HS3ST4: variants seen among roughly 807,000 people sequenced by gnomAD.
HS3ST4 encodes the protein heparan sulfate glucosamine 3-O-sulfotransferase 4.
Under a neutral mutation model 29.2 loss-of-function variants are expected in HS3ST4, and 17 were observed. That is an observed-to-expected ratio of 0.58 (90% CI 0.40 to 0.87). HS3ST4 has a LOEUF of 0.87. HS3ST4 is among the 40% of genes least tolerant of loss of function. The probability of loss-of-function intolerance (pLI) is 0.00; values close to 1 mark genes in which losing one functional copy is unlikely to be tolerated. For missense variants in HS3ST4, 627 were observed against 634.5 expected (o/e 0.99, Z 0.13); for synonymous variants, 314 against 285.7 (o/e 1.10, Z -1.00).
intron 1 of HS3ST4, among the ~76,000 whole-genome samples, chr16:25,988,456 C>T (rs1202043591): frequency 6.6e-6 from 1 of 152,218 alleles, no homozygotes; most frequent in Non-Finnish European, 1.5e-5. Context: ...TGCATAGACT[C>T]ATTTAAATTC....
chr16:26,083,705 A>G (rs1596674811), intron 1 of HS3ST4, among the ~76,000 whole-genome samples: 2 of 152,170 alleles, frequency 1.3e-5, no homozygotes, highest in Admixed American at 1.3e-4. Context: ...ACACAGGCTG[A>G]CATTCTTATA....
chr16:25,925,825 C>G (rs994788130), intron 1 of HS3ST4, among the ~76,000 whole-genome samples: 1 of 152,148 alleles, frequency 6.6e-6, no homozygotes, highest in Non-Finnish European at 1.5e-5. Context: ...AAGCCCCATG[C>G]CTCGTGGCTT....
chr16:26,102,256 A>AT (rs5816353), intron 1 of HS3ST4, among the ~76,000 whole-genome samples: 18,569 of 151,228 alleles, frequency 0.12, 1,379 homozygotes, highest in Non-Finnish European at 0.17. Flanking sequence ...CACAGCAATG[A>AT]TTTTTTTTTT....
At chr16:26,110,334 T>G (rs1254638022) in intron 1 of HS3ST4, among the ~76,000 whole-genome samples, 1 of 152,328 alleles carries the variant, frequency 6.6e-6, no homozygotes, top group East Asian at 1.9e-4. Context: ...ACACTTAGGT[T>G]GATTTCATGT....
intron 1 of HS3ST4, among the ~76,000 whole-genome samples, chr16:25,999,835 A>ATATATATTATATATATAT (rs1969193005): frequency 9.4e-6 from 1 of 106,160 alleles, no homozygotes; most frequent in Non-Finnish European, 2.0e-5. Context: ...TTTATATATT[A>ATATATATTATATATATAT]TATATATTTT....
intron 1 of HS3ST4, among the ~76,000 whole-genome samples, chr16:25,722,993 A>G (rs1163697470): frequency 6.6e-6 from 1 of 152,232 alleles, no homozygotes. Context: ...CACGTCTTAC[A>G]TGACAGGAGA....
At chr16:26,084,582 C>G (rs1898762219) in intron 1 of HS3ST4, among the ~76,000 whole-genome samples, 1 of 152,080 alleles carries the variant, frequency 6.6e-6, no homozygotes, top group Non-Finnish European at 1.5e-5. Flanking sequence ...TCCTGAGATC[C>G]TTATTGTGCC....
At chr16:25,877,986 C>T (rs762462415) in intron 1 of HS3ST4, among the ~76,000 whole-genome samples, 1 of 152,000 alleles carries the variant, frequency 6.6e-6, no homozygotes, top group Non-Finnish European at 1.5e-5. Context: ...TTTGATTTGC[C>T]TTATGTAGGA....
At chr16:25,897,448 T>TC (rs1968078271) in intron 1 of HS3ST4, among the ~76,000 whole-genome samples, 1 of 151,914 alleles carries the variant, frequency 6.6e-6, no homozygotes, top group South Asian at 2.1e-4. Flanking sequence ...TGAGATCCTG[T>TC]CCCCCCACAA....
intron 1 of HS3ST4, among the ~76,000 whole-genome samples, chr16:25,741,431 A>G (rs1966652217): frequency 1.3e-5 from 2 of 148,278 alleles, no homozygotes; most frequent in African/African-American, 4.9e-5. Context: ...AGATTTTAGG[A>G]TTATACATAA....
At chr16:25,930,918 A>AAACAAT (rs1968456081) in intron 1 of HS3ST4, among the ~76,000 whole-genome samples, 1 of 151,450 alleles carries the variant, frequency 6.6e-6, no homozygotes, top group Non-Finnish European at 1.5e-5. Context: ...ACAAAAACAA[A>AAACAAT]AACAAAAAAA....
rs774885135 is a variant in HS3ST4 at position 26,136,191 on chromosome 16, G to A, written c.1314G>A (p.Met438Ile). The A allele has an allele frequency of 6.2e-7, 1 of 1,613,408 alleles. No individual in the cohort carries two copies. Among genetic ancestry groups the A allele is most frequent in the South Asian group, 1.1e-5 (1 of 90,940 alleles). ...LRKFYKPFNL[M>I]FYQMTGQDFQ... ...AATTCTACAAACCCTTCAACTTGAT[G>A]TTTTACCAAATGACTGGTCAAGATT... The change falls in exon 2 of 2, where the codon ATG (methionine) becomes ATA (isoleucine). Residue 438 changes from methionine (M) to isoleucine (I), a missense_variant. This residue lies in a region of HS3ST4 where 225 missense variants were observed against 293.7 expected (regional missense o/e 0.77). Coordinates refer to ENST00000331351, the MANE Select transcript of HS3ST4 (RefSeq NM_006040.3).
chr16:26,054,456 T>C (rs1898383964), intron 1 of HS3ST4, among the ~76,000 whole-genome samples: 1 of 152,222 alleles, frequency 6.6e-6, no homozygotes, highest in South Asian at 2.1e-4. Flanking sequence ...AAACATCTGT[T>C]TCCCATGAAT....
intron 1 of HS3ST4, among the ~76,000 whole-genome samples, chr16:25,880,781 T>G (rs185364739): frequency 6.6e-6 from 1 of 152,316 alleles, no homozygotes; most frequent in East Asian, 1.9e-4. Context: ...GCATGTGGAA[T>G]GAATAGAGAC....
chr16:25,797,542 G>C (rs973837185), intron 1 of HS3ST4, among the ~76,000 whole-genome samples: 2 of 152,152 alleles, frequency 1.3e-5, no homozygotes, highest in East Asian at 3.8e-4. Context: ...TTAGCTGTTA[G>C]ATTTAATAAT....
intron 1 of HS3ST4, among the ~76,000 whole-genome samples, chr16:25,867,009 G>T (rs1226395703): frequency 6.6e-6 from 1 of 152,088 alleles, no homozygotes; most frequent in Non-Finnish European, 1.5e-5. Context: ...AATCCTGGAA[G>T]ACCCACCCAA....
At chr16:25,724,112 C>CAAAAA (rs56115380) in intron 1 of HS3ST4, among the ~76,000 whole-genome samples, 22 of 77,232 alleles carry the variant, frequency 2.8e-4, no homozygotes, top group African/African-American at 9.8e-4. Context: ...GACTCCATCT[C>CAAAAA]AAAAAAAAAA....
intron 1 of HS3ST4, among the ~76,000 whole-genome samples, chr16:26,048,497 G>A (rs1213340673): frequency 6.6e-6 from 1 of 152,150 alleles, no homozygotes; most frequent in Non-Finnish European, 1.5e-5. Context: ...ACAGTTTTAA[G>A]TGGTACTAGG....
In HS3ST4 at chr16:26,135,895, C is replaced by G; in HGVS notation, c.1018C>G (p.Leu340Val). The change falls in exon 2 of 2, where the codon CTG (leucine) becomes GTG (valine). Residue 340 changes from leucine (L) to valine (V), a missense_variant. Physicochemically the swap from Leu to Val is conservative, Grantham distance 32 (BLOSUM62 1). Transcript: ENST00000331351. Reference protein sequence around the residue: ...AIRIGIYALHLENWLQYFPLS... With the variant: ...AIRIGIYALHVENWLQYFPLS... Reference sequence around the variant, plus strand: ...TCGAATAGGGATCTATGCGCTGCATCTGGAAAACTGGCTCCAGTATTTCCC... The same window carrying G: ...TCGAATAGGGATCTATGCGCTGCATGTGGAAAACTGGCTCCAGTATTTCCC... 6.2e-7 allele frequency: 1 copy of G among 1,614,020 alleles called. No homozygotes were observed. The highest frequency in any genetic ancestry group is 8.5e-7 in the Non-Finnish European group (1 of 1,179,890).
Sources: gnomAD v4.1 joint callset for allele counts (sites outside exome capture counted in the v4.1 genomes callset) on GRCh38, gnomAD v4.1.1 for gene constraint, gnomAD v4.1.1 regional missense constraint, MANE v1.5 for transcripts, NCBI Gene and HGNC (gene_info 2026-07-23, HGNC 2026-07-21) for gene names.